Variants in RNASE4 observed in about 807,000 individuals in gnomAD.
RNASE4 encodes the protein ribonuclease A family member 4.
For synonymous variants in RNASE4, 93 were observed against 71.4 expected (o/e 1.30, Z -1.52); for missense variants, 194 against 192.8 (o/e 1.01, Z -0.04).
Position 20,699,827 on chromosome 14 carries a change from T to C in RNASE4, c.*12T>C. Reference sequence around the variant, plus strand: ...ACTTTGACGGTTAGATGCCACCATGTAGGGATTATCGCGAGTGGTTGACCT... The same window carrying C: ...ACTTTGACGGTTAGATGCCACCATGCAGGGATTATCGCGAGTGGTTGACCT... On this transcript the variant is annotated 3_prime_UTR_variant, in exon 2 of 2. Coordinates refer to ENST00000555835, the MANE Select transcript of RNASE4 (RefSeq NM_002937.5). The C allele has an allele frequency of 6.2e-7, 1 of 1,610,370 alleles. No individual in the cohort carries two copies. The highest frequency in any genetic ancestry group is 8.5e-7 in the Non-Finnish European group (1 of 1,177,908).
In RNASE4 at chr14:20,699,740, G is replaced by C; in HGVS notation, c.369G>C (p.Arg123=). Residue 123 remains arginine, a synonymous_variant, in exon 2 of 2, where the codon CGG becomes CGC. Coordinates refer to ENST00000555835, the MANE Select transcript of RNASE4 (RefSeq NM_002937.5). ...GSSRAPNCRY[R]AIASTRRVVI... ...CCAGGGCACCCAACTGCAGATATCG[G>C]GCCATAGCGAGCACTAGACGTGTTG... The C allele has an allele frequency of 4.3e-6, 7 of 1,611,160 alleles. No homozygotes were observed. The highest frequency in any genetic ancestry group is 5.9e-6 in the Non-Finnish European group (7 of 1,180,018).
intron 1 of RNASE4, among the ~76,000 whole-genome samples, chr14:20,685,548 CAG>C (rs1242209995): frequency 1.3e-5 from 2 of 152,186 alleles, no homozygotes. Context: ...TACTTAACCA[CAG>C]AGCCACTAAC....
At chr14:20,693,098 T>C (rs12887373) in intron 1 of RNASE4, among the ~76,000 whole-genome samples, 27,535 of 151,418 alleles carry the variant, frequency 0.18, 3,414 homozygotes, top group African/African-American at 0.35. Flanking sequence ...CCGCCCGCCT[T>C]GGCCTCCCAA....
chr14:20,698,593 A>T (rs7155477), intron 1 of RNASE4, among the ~76,000 whole-genome samples: 152,332 of 152,338 alleles, frequency 1, 76,163 homozygotes, highest in Non-Finnish European at 1. Context: ...AAGAACTGTA[A>T]CTGGGTATTC....
chr14:20,691,900 C>G (rs1372901400), intron 1 of RNASE4, among the ~76,000 whole-genome samples: 1 of 152,236 alleles, frequency 6.6e-6, no homozygotes, highest in Non-Finnish European at 1.5e-5. Flanking sequence ...GATCCACAGT[C>G]TTGCTCTCAG....
intron 1 of RNASE4, among the ~76,000 whole-genome samples, chr14:20,693,054 A>G (rs973837483): frequency 6.6e-6 from 1 of 151,620 alleles, no homozygotes; most frequent in African/African-American, 2.4e-5. Flanking sequence ...TCACCGTGGT[A>G]GCCAGGATGG....
At chr14:20,688,653 A>G (rs1052358673) in intron 1 of RNASE4, 5 of 982,142 alleles carry the variant, frequency 5.1e-6, no homozygotes, top group Non-Finnish European at 6.0e-6. Flanking sequence ...AATCATGCCC[A>G]GCGAAAAGGT....
At chr14:20,693,895 T>TC in intron 1 of RNASE4, 1 of 1,614,074 alleles carries the variant, frequency 6.2e-7, no homozygotes, top group Non-Finnish European at 8.5e-7. Context: ...ACATGGAGGT[T>TC]CCCCCTGGCC....
intron 1 of RNASE4, chr14:20,693,430 TG>T (rs1238541619): frequency 1.5e-5 from 20 of 1,326,622 alleles, no homozygotes; most frequent in South Asian, 3.6e-5. Flanking sequence ...ATATAAAATT[TG>T]GTGGTGGAAA....
intron 1 of RNASE4, among the ~76,000 whole-genome samples, chr14:20,686,615 A>T (rs1021215973): frequency 6.6e-6 from 1 of 152,250 alleles, no homozygotes; most frequent in South Asian, 2.1e-4. Flanking sequence ...GAGTTGGTTG[A>T]AAAGCAAATG....
chr14:20,695,520 CAATCT>C (rs1213221546), intron 1 of RNASE4, among the ~76,000 whole-genome samples: 4 of 152,152 alleles, frequency 2.6e-5, no homozygotes, highest in African/African-American at 9.7e-5. Context: ...ATACACTGTT[CAATCT>C]ACAGACTCAG....
At chr14:20,697,504 G>A (rs2139034858) in intron 1 of RNASE4, among the ~76,000 whole-genome samples, 1 of 152,222 alleles carries the variant, frequency 6.6e-6, no homozygotes, top group South Asian at 2.1e-4. Flanking sequence ...ATGTGCAAAG[G>A]CAAAAGATGG....
intron 1 of RNASE4, chr14:20,693,996 C>T: frequency 6.2e-7 from 1 of 1,614,124 alleles, no homozygotes; most frequent in South Asian, 1.1e-5. Context: ...AGTCAATTTT[C>T]CGTCGTCCGT....
In RNASE4 at chr14:20,699,795, C is replaced by T. The variant is rs1887234307; in HGVS notation, c.424C>T (p.Pro142Ser). The T allele has an allele frequency of 6.2e-7, 1 of 1,612,382 alleles. No homozygotes were observed. Among genetic ancestry groups the T allele is most frequent in the Non-Finnish European group, 8.5e-7 (1 of 1,179,776 alleles). ...VIACEGNPQV[P>S]VHFDG is the part of the protein sequence containing the mutation. ...TGCCTGTGAGGGTAACCCACAGGTG[C>T]CTGTGCACTTTGACGGTTAGATGCC... Residue 142 changes from proline to serine, a missense_variant, in exon 2 of 2, where the codon CCT (proline) becomes TCT (serine). By Grantham distance (74) the Pro-to-Ser change is moderately conservative. Transcript: ENST00000555835.
At chr14:20,690,642 G>T (rs1229954951) in intron 1 of RNASE4, among the ~76,000 whole-genome samples, 3 of 152,106 alleles carry the variant, frequency 2.0e-5, no homozygotes, top group Admixed American at 6.5e-5. Flanking sequence ...AGGGTCACTG[G>T]ACCTTTGCTA....
At chr14:20,690,245 A>G (rs952965992) in intron 1 of RNASE4, among the ~76,000 whole-genome samples, 25 of 149,694 alleles carry the variant, frequency 1.7e-4, no homozygotes, top group African/African-American at 3.4e-4. Context: ...AAAAAAAAAA[A>G]AAAGAAAAGA....
chr14:20,689,022 G>A (rs1886559064), intron 1 of RNASE4: 1 of 292,462 alleles, frequency 3.4e-6, no homozygotes, highest in Non-Finnish European at 5.1e-6. Context: ...AATGAAAACA[G>A]GTTTCTTTTG....
chr14:20,686,163 G>C (rs1464089360), intron 1 of RNASE4, among the ~76,000 whole-genome samples: 1 of 152,122 alleles, frequency 6.6e-6, no homozygotes, highest in Non-Finnish European at 1.5e-5. Context: ...TTTAATATGA[G>C]GGGTGGACAG....
rs1400336524 is a variant in RNASE4 at position 20,700,480 on chromosome 14, C to T, written c.*665C>T. On this transcript the variant is annotated 3_prime_UTR_variant, in exon 2 of 2. Coordinates refer to ENST00000555835, the MANE Select transcript of RNASE4 (RefSeq NM_002937.5). The stretch of plus-strand genomic sequence containing the variant: ...TTTTCTTTTTCCTGAAACTTTGAAT[C>T]ACCCTAGTAAGTCAAAGTACTAAAA... The T allele has an allele frequency of 1.8e-5, 3 of 167,038 alleles. No individual in the cohort carries two copies. The highest frequency in any genetic ancestry group is 4.4e-5 in the Non-Finnish European group (3 of 68,134). 10.3% of individuals were successfully genotyped at this position (167,038 alleles called of 1,614,324 possible). A position where few individuals can be genotyped will look rare whatever the true frequency, so the allele number is the denominator to read the frequency against.
Sources: gnomAD v4.1 joint callset for allele counts (sites outside exome capture counted in the v4.1 genomes callset) on GRCh38, gnomAD v4.1.1 for gene constraint, MANE v1.5 for transcripts, NCBI Gene and HGNC (gene_info 2026-07-23, HGNC 2026-07-21) for gene names.